Variants in BCL2 observed in about 807,000 individuals in gnomAD.
BCL2 encodes apoptosis regulator Bcl-2.
In BCL2, 1 loss-of-function variant was observed where a neutral mutation model predicts 14.2. The observed-to-expected ratio is 0.07, with a 90% CI of 0.02 to 0.33. BCL2 has a LOEUF of 0.33. Among genes scored for constraint, BCL2 ranks in the 10% least tolerant of loss-of-function variants. The pLI, the probability that BCL2 is intolerant of heterozygous loss-of-function variation, is 0.99. For missense variants in BCL2, 247 were observed against 305.9 expected (o/e 0.81, Z 1.44); for synonymous variants, 151 against 137.2 (o/e 1.10, Z -0.70).
rs1196206761 is a variant in BCL2 at position 63,128,455 on chromosome 18, G to A, written c.*170C>T. ...TGATTCGACGTTTTGCCTGAAGACT[G>A]TTAATTGTTGTGTGTGTGTGTGTCT... On this transcript the variant is annotated 3_prime_UTR_variant, in exon 3 of 3. Transcript: ENST00000333681. 4 of 483,410 alleles carry A rather than the reference G, an allele frequency of 8.3e-6. No homozygotes were observed. The highest frequency in any genetic ancestry group is 1.1e-5 in the Non-Finnish European group (3 of 266,286). 29.9% of individuals were successfully genotyped at this position (483,410 alleles called of 1,614,324 possible).
At chr18:63,193,319 G>T (rs1241163182) in intron 2 of BCL2, among the ~76,000 whole-genome samples, 1 of 152,146 alleles carries the variant, frequency 6.6e-6, no homozygotes, top group African/African-American at 2.4e-5. Flanking sequence ...GTGTGTGAGT[G>T]TGTGTGTTAA....
intron 2 of BCL2, among the ~76,000 whole-genome samples, chr18:63,190,902 T>G (rs1049311045): frequency 3.3e-5 from 5 of 152,184 alleles, no homozygotes; most frequent in Admixed American, 6.5e-5. Flanking sequence ...CCTCCCTGTG[T>G]CCATGTGTTC....
At chr18:63,274,275 C>T (rs1359880762) in intron 2 of BCL2, among the ~76,000 whole-genome samples, 1 of 124,212 alleles carries the variant, frequency 8.1e-6, no homozygotes, top group Non-Finnish European at 1.7e-5. Context: ...TATAAAGATA[C>T]TCTTTTTTTT....
intron 2 of BCL2, among the ~76,000 whole-genome samples, chr18:63,228,611 T>C (rs533462801): frequency 5.9e-5 from 9 of 152,308 alleles, no homozygotes; most frequent in African/African-American, 1.9e-4. Flanking sequence ...GTTTAGGACA[T>C]TCCTTAAAAA....
chr18:63,173,324 C>G (rs961653873), intron 2 of BCL2, among the ~76,000 whole-genome samples: 1 of 152,126 alleles, frequency 6.6e-6, no homozygotes, highest in African/African-American at 2.4e-5. Flanking sequence ...CTAGGCTCAC[C>G]GTTAAAATAC....
intron 2 of BCL2, among the ~76,000 whole-genome samples, chr18:63,284,116 A>C (rs910633260): frequency 6.6e-6 from 1 of 152,136 alleles, no homozygotes; most frequent in African/African-American, 2.4e-5. Context: ...GCCTGGGGGC[A>C]CTTCTGAGGA....
At chr18:63,253,342 G>A (rs961665898) in intron 2 of BCL2, among the ~76,000 whole-genome samples, 8 of 152,206 alleles carry the variant, frequency 5.3e-5, no homozygotes, top group African/African-American at 1.4e-4. Flanking sequence ...GAAGTCTGCT[G>A]TACTTACTCT....
At chr18:63,132,617 G>C (rs914805179) in intron 2 of BCL2, among the ~76,000 whole-genome samples, 1 of 152,146 alleles carries the variant, frequency 6.6e-6, no homozygotes, top group Non-Finnish European at 1.5e-5. Flanking sequence ...GGAGGTTGGA[G>C]CTGGCCTCTA....
At chr18:63,233,516 TTTATCA>T (rs1910742564) in intron 2 of BCL2, among the ~76,000 whole-genome samples, 1 of 152,148 alleles carries the variant, frequency 6.6e-6, no homozygotes, top group Non-Finnish European at 1.5e-5. Context: ...GCACATTACA[TTTATCA>T]TTAGATTCTC....
chr18:63,280,198 C>T (rs866388829), intron 2 of BCL2, among the ~76,000 whole-genome samples: 8 of 152,114 alleles, frequency 5.3e-5, no homozygotes, highest in African/African-American at 1.9e-4. Flanking sequence ...AGATCATAGG[C>T]TTTGGAGTGA....
At chr18:63,253,379 T>G (rs562545978) in intron 2 of BCL2, among the ~76,000 whole-genome samples, 1 of 152,342 alleles carries the variant, frequency 6.6e-6, no homozygotes, top group South Asian at 2.1e-4. Context: ...AAGAAACACA[T>G]TCTAAGTAGT....
rs1395501913 is a variant in BCL2 at position 63,318,726 on chromosome 18, C to A, written c.-60G>T. 6.2e-7 allele frequency: 1 copy of A among 1,605,356 alleles called. No homozygotes were observed. Among genetic ancestry groups the A allele is most frequent in the Non-Finnish European group, 8.5e-7 (1 of 1,176,116 alleles). ...ACCTCTCGCCCCAGCTCCCACCCCACGGCCCCCAGAGAAAGAAGAGGAGTT... is the reference window on the plus strand; with the variant it reads ...ACCTCTCGCCCCAGCTCCCACCCCAAGGCCCCCAGAGAAAGAAGAGGAGTT... On this transcript the variant is annotated 5_prime_UTR_variant, in exon 2 of 3. Transcript: ENST00000333681. This position sits in a 1 kb window ranked among gnomAD's most constrained non-coding sequence, Gnocchi z 7.4.
chr18:63,250,629 T>G (rs1226913058), intron 2 of BCL2, among the ~76,000 whole-genome samples: 2 of 152,238 alleles, frequency 1.3e-5, no homozygotes, highest in Non-Finnish European at 1.5e-5. Context: ...AGGAGTACCC[T>G]TTTTCATATT....
rs573422824 is a variant in BCL2 at position 63,232,145 on chromosome 18, T to C, written c.585+85937A>G. ...AAAAAAATAGATCACTAACTCACAC[T>C]ATATCCAAAAATGAATTCCAAGAGA... is the stretch of plus-strand genomic sequence containing the variant. On this transcript the variant is annotated intron_variant, in intron 2 of 2. Transcript: ENST00000333681. Among the ~76,000 whole-genome samples, 4 of 152,068 alleles carry C rather than the reference T, an allele frequency of 2.6e-5. No homozygotes were observed. In the South Asian group the frequency reaches 8.3e-4, roughly 32 times the overall value.
intron 2 of BCL2, among the ~76,000 whole-genome samples, chr18:63,274,022 G>C (rs1261377277): frequency 2.0e-5 from 3 of 152,116 alleles, no homozygotes; most frequent in African/African-American, 7.2e-5. Context: ...TCCAAGAAGG[G>C]ACCCAGGGAG....
chr18:63,263,984 G>A (rs542838766), intron 2 of BCL2, among the ~76,000 whole-genome samples: 66 of 152,292 alleles, frequency 4.3e-4, no homozygotes, highest in African/African-American at 1.3e-3. Flanking sequence ...TGGCCAGGCT[G>A]GTCACGAACG....
At chr18:63,151,790 G>A (rs1256343466) in intron 2 of BCL2, among the ~76,000 whole-genome samples, 1 of 152,144 alleles carries the variant, frequency 6.6e-6, no homozygotes, top group Non-Finnish European at 1.5e-5. Context: ...AAATATAAAT[G>A]CTCAAACACA....
intron 2 of BCL2, among the ~76,000 whole-genome samples, chr18:63,284,945 C>T (rs1271678736): frequency 1.3e-5 from 2 of 152,160 alleles, no homozygotes; most frequent in Non-Finnish European, 2.9e-5. Flanking sequence ...CCAGCAAGGG[C>T]AGACGCCAGG....
chr18:63,136,257 C>T (rs1443825921), intron 2 of BCL2, among the ~76,000 whole-genome samples: 1 of 152,172 alleles, frequency 6.6e-6, no homozygotes, highest in African/African-American at 2.4e-5. Flanking sequence ...ACTTTCTCCC[C>T]TAACTGGCAA....
Sources: allele counts gnomAD v4.1 joint callset (sites outside exome capture counted in the v4.1 genomes callset), GRCh38; gene constraint gnomAD v4.1.1; non-coding constraint Gnocchi (gnomAD v3.1); transcripts MANE v1.5; gene names NCBI Gene and HGNC (gene_info 2026-07-23, HGNC 2026-07-21).